Variants in RAN observed in about 807,000 individuals in gnomAD.
The protein encoded by RAN is GTP-binding nuclear protein Ran.
A neutral mutation model predicts 26.8 loss-of-function variants in RAN; 2 were observed. The observed-to-expected ratio is 0.07, with a 90% confidence interval of 0.03 to 0.23. The LOEUF (loss-of-function observed/expected upper bound fraction) is 0.23. Among genes scored for constraint, RAN ranks in the 10% least tolerant of loss-of-function variants. The pLI, the probability that RAN is intolerant of heterozygous loss-of-function variation, is 1.00. For missense variants in RAN, 56 were observed against 264.8 expected, an observed-to-expected ratio of 0.21 and a Z score of 5.47; for synonymous variants, 132 against 95.9, an observed-to-expected ratio of 1.38 and a Z score of -2.20.
chr12:130,872,985 G>A lies in RAN; in HGVS notation c.122-18G>A, dbSNP rs1953168229. 5.0e-6 allele frequency: 8 copies of A among 1,614,156 alleles called. No homozygotes were observed. The East Asian group carries it at 1.8e-4, about 36-fold the overall frequency. ...AATGGGTAAGTTCATCCACTCAATC[G>A]CATCGTTTCCGTTTCAGCCACCTTG... On this transcript the variant is annotated intron_variant, in intron 3 of 6. Transcript: ENST00000543796.
chr12:130,872,683 G>A (rs1233477402), intron 2 of RAN, 54 bp downstream of exon 2: 9 of 1,531,816 alleles, frequency 5.9e-6, no homozygotes, highest in South Asian at 1.3e-5. Flanking sequence ...TGCGACTCGC[G>A]GGTCCCTCCT....
chr12:130,875,196 G>A (rs1175394368), intron 5 of RAN, among the ~76,000 whole-genome samples: 1 of 152,062 alleles, frequency 6.6e-6, no homozygotes, highest in Non-Finnish European at 1.5e-5. Context: ...CTGTTGGCCC[G>A]GTTGGTCAGC....
Position 130,876,920 on chromosome 12 carries a change from G to GT in RAN, c.*1003dup, listed in dbSNP as rs113262657. ...GCAGTTCACACTACACCGTTTTTTT[G>GT]TTTTTTTTTCCCCCCCGGGAGGGTT... On this transcript the variant is annotated 3_prime_UTR_variant, in exon 7 of 7. Transcript: ENST00000543796. The GT allele has an allele frequency of 1.3e-3, 202 of 150,194 alleles. No individual in the cohort carries two copies. Among genetic ancestry groups the GT allele is most frequent in the Non-Finnish European group, 1.9e-3 (125 of 67,492 alleles). 9.3% of individuals were successfully genotyped at this position (150,194 alleles called of 1,614,324 possible).
At chr12:130,875,095 G>A (rs530009852) in intron 5 of RAN, among the ~76,000 whole-genome samples, 6 of 152,240 alleles carry the variant, frequency 3.9e-5, no homozygotes, top group African/African-American at 1.4e-4. Flanking sequence ...TAAAGGGCTG[G>A]GATTACAGGC....
rs1953237844 is a variant in RAN, at chr12:130,876,222, A to G, written c.*296A>G. ...ATTCAGTGGTGAAATCTTGTTTGTT[A>G]CTGTCATTCCCATTCCTTTTCGTTT... On this transcript the variant is annotated 3_prime_UTR_variant, in exon 7 of 7. Transcript: ENST00000543796. 2.5e-6 allele frequency: 1 copy of G among 399,174 alleles called. No individual in the cohort carries two copies. The highest frequency in any genetic ancestry group is 4.5e-6 in the Non-Finnish European group (1 of 221,638). The allele number at this position is 399,174 out of a possible 1,614,324, so 24.7% of individuals were successfully genotyped here.
chr12:130,872,736 C>T (rs1593219135), intron 2 of RAN, 100 bp from the exon 3 acceptor site: 2 of 1,569,434 alleles, frequency 1.3e-6, no homozygotes, highest in East Asian at 2.2e-5. Flanking sequence ...CATCCACATT[C>T]TTTGTTTTAA....
intron 4 of RAN, 92 bp downstream of exon 4, chr12:130,873,220 A>G (rs1953172012): frequency 2.0e-6 from 3 of 1,525,394 alleles, no homozygotes; most frequent in Non-Finnish European, 2.7e-6. Context: ...TCCAACAAAT[A>G]GTGTCATTTT....
Position 130,873,490 on chromosome 12 carries a change from A to G in RAN, c.247+362A>G, listed in dbSNP as rs145180226. On this transcript the variant is annotated intron_variant, in intron 4 of 6. Coordinates refer to ENST00000543796, the MANE Select transcript of RAN (RefSeq NM_006325.5). ...AATGTTTTTACTGTATTAGAAAACA[A>G]TAAACACCAGATACTAGACCAGAGG... The G allele has an allele frequency of 2.8e-3, 694 of 250,806 alleles. 10 individuals carry two copies. The highest frequency in any genetic ancestry group is 0.015 in the African/African-American group (655 of 44,236). 15.5% of individuals were successfully genotyped at this position (250,806 alleles called of 1,614,324 possible). A position where few individuals can be genotyped will look rare whatever the true frequency, so the allele number is the denominator to read the frequency against.
In RAN at chr12:130,872,073, G is replaced by T; in HGVS notation, c.-64G>T. On this transcript the variant is annotated 5_prime_UTR_variant, in exon 1 of 7. Transcript: ENST00000543796. ...GCTGCGTCTCCGGCGTTTGAATTGCGCTTCCGCCATCTTTCCAGCCTCAGT... is the reference window on the plus strand; with the variant it reads ...GCTGCGTCTCCGGCGTTTGAATTGCTCTTCCGCCATCTTTCCAGCCTCAGT... 1 of 328,888 alleles carries T rather than the reference G, an allele frequency of 3.0e-6. No individual in the cohort carries two copies. The highest frequency in any genetic ancestry group is 6.4e-6 in the Non-Finnish European group (1 of 155,210). The allele number at this position is 328,888 out of a possible 1,614,324, so 20.4% of individuals were successfully genotyped here.
At chr12:130,872,972 C>A (rs201481647) in intron 3 of RAN, 31 bp from the exon 4 acceptor site, 1 of 1,614,174 alleles carries the variant, frequency 6.2e-7, no homozygotes, top group South Asian at 1.1e-5. Flanking sequence ...TGGGTAAGTT[C>A]ATCCACTCAA....
chr12:130,872,459 C>T (rs1953154041), intron 1 of RAN, 125 bp from the exon 2 acceptor site: 1 of 522,662 alleles, frequency 1.9e-6, no homozygotes, highest in Non-Finnish European at 2.6e-6. Context: ...CAGGCCTGGC[C>T]GCCATGGCGC....
rs1277067515 is a variant in RAN, at chr12:130,876,625, A to G, written c.*699A>G. The stretch of plus-strand genomic sequence containing the variant: ...CTGTCAGAATAAAAATGTGGTTTGT[A>G]CATATCAAATAGATATTTTAAGGGT... On this transcript the variant is annotated 3_prime_UTR_variant, in exon 7 of 7. Coordinates refer to ENST00000543796, the MANE Select transcript of RAN (RefSeq NM_006325.5). 1 of 152,280 alleles carries G rather than the reference A, an allele frequency of 6.6e-6. No individual in the cohort carries two copies. Among genetic ancestry groups the G allele is most frequent in the Non-Finnish European group, 1.5e-5 (1 of 68,060 alleles). The allele number at this position is 152,280 out of a possible 1,614,324, so 9.4% of individuals were successfully genotyped here.
chr12:130,874,721 G>A lies in RAN; in HGVS notation c.423G>A (p.Lys141=), dbSNP rs868737039. 3.7e-6 allele frequency: 6 copies of A among 1,612,880 alleles called. No homozygotes were observed. Among genetic ancestry groups the A allele is most frequent in the Non-Finnish European group, 5.1e-6 (6 of 1,179,298 alleles). ...VKAKSIVFHR[K]KNLQYYDISA... Reference sequence around the variant, plus strand: ...CGAAATCCATTGTCTTCCACCGAAAGAAGAATCTTCAGGTGTGTAAAATTA... The same window carrying A: ...CGAAATCCATTGTCTTCCACCGAAAAAAGAATCTTCAGGTGTGTAAAATTA... Residue 141 remains lysine, a synonymous_variant, in exon 5 of 7, where the codon AAG becomes AAA. Coordinates refer to ENST00000543796, the MANE Select transcript of RAN (RefSeq NM_006325.5).
chr12:130,875,997 C>T lies in RAN; in HGVS notation c.*71C>T, dbSNP rs1953232434. On this transcript the variant is annotated 3_prime_UTR_variant, in exon 7 of 7. Transcript: ENST00000543796. Reference sequence around the variant, plus strand: ...CTGTCCTGTGATGTCAGCGGTGCAGCGTGTGTGCCACCTCATTATTATCTA... The same window carrying T: ...CTGTCCTGTGATGTCAGCGGTGCAGTGTGTGTGCCACCTCATTATTATCTA... The T allele has an allele frequency of 1.4e-5, 21 of 1,474,870 alleles. No individual in the cohort carries two copies. The South Asian group carries it at 2.2e-4, about 15-fold the overall frequency. The allele number at this position is 1,474,870 out of a possible 1,614,324, so 91.4% of individuals were successfully genotyped here.
Position 130,875,796 on chromosome 12 carries a change from T to G in RAN, c.606+14T>G. 6.2e-7 allele frequency: 1 copy of G among 1,614,122 alleles called. No homozygotes were observed. Among genetic ancestry groups the G allele is most frequent in the Non-Finnish European group, 8.5e-7 (1 of 1,179,990 alleles). Reference sequence around the variant, plus strand: ...CACGACTTAGAGGTATTGTGGCCACTTTGCTGTTCAGATTGTTCGGTTTGG... The same window carrying G: ...CACGACTTAGAGGTATTGTGGCCACGTTGCTGTTCAGATTGTTCGGTTTGG... On this transcript the variant is annotated intron_variant, in intron 6 of 6. Transcript: ENST00000543796.
chr12:130,875,010 A>G (rs879877068), intron 5 of RAN, among the ~76,000 whole-genome samples: 32 of 152,026 alleles, frequency 2.1e-4, no homozygotes, highest in Non-Finnish European at 4.1e-4. Flanking sequence ...TTTCTAGTAG[A>G]GACGGGGTTT....
intron 5 of RAN, 34 bp downstream of exon 5, chr12:130,874,767 C>G: frequency 2.0e-6 from 3 of 1,536,170 alleles, no homozygotes; most frequent in Non-Finnish European, 2.7e-6. Context: ...AGTTATTTCT[C>G]TTAGCGGAGA....
At chr12:130,874,896 C>G (rs988309021) in intron 5 of RAN, among the ~76,000 whole-genome samples, 163 bp downstream of exon 5, 2 of 152,122 alleles carry the variant, frequency 1.3e-5, no homozygotes, top group African/African-American at 4.8e-5. Context: ...AATCTTGGCT[C>G]ACTGCGACCT....
chr12:130,874,767 CT>C (rs1565955338), intron 5 of RAN, 34 bp downstream of exon 5: 1 of 1,536,170 alleles, frequency 6.5e-7, no homozygotes, highest in Admixed American at 1.7e-5. Context: ...AGTTATTTCT[CT>C]TAGCGGAGAT....
Sources: gnomAD v4.1 joint callset for allele counts (sites outside exome capture counted in the v4.1 genomes callset) on GRCh38, gnomAD v4.1.1 for gene constraint, MANE v1.5 for transcripts, NCBI Gene and HGNC (gene_info 2026-07-23, HGNC 2026-07-21) for gene names.